KLHL20: variants seen among roughly 807,000 people sequenced by gnomAD.
KLHL20 encodes the protein kelch like family member 20.
In KLHL20, 29 loss-of-function variants were observed where a neutral mutation model predicts 69.5. That is an observed-to-expected ratio of 0.42 (90% confidence interval 0.31 to 0.57). The LOEUF is 0.57. Ranked by LOEUF, KLHL20 falls within the 20% of genes least tolerant of loss-of-function variation. The probability of loss-of-function intolerance (pLI) is 0.18; values close to 1 mark genes in which losing one functional copy is unlikely to be tolerated. For missense variants in KLHL20, 419 were observed against 776.0 expected (o/e 0.54, Z 5.47); for synonymous variants, 253 against 265.2 (o/e 0.95, Z 0.45).
chr1:173,741,765 T>C, intron 3 of KLHL20: 1 of 1,454,094 alleles, frequency 6.9e-7, no homozygotes, highest in Non-Finnish European at 9.5e-7. Flanking sequence ...CCCCAATTCC[T>C]ACTTCATGGA....
At chr1:173,740,090 T>G (rs867677276) in intron 3 of KLHL20, among the ~76,000 whole-genome samples, 3 of 151,880 alleles carry the variant, frequency 2.0e-5, no homozygotes, top group Admixed American at 6.6e-5. Context: ...TTATTTCATT[T>G]AGTTCTGCTC....
chr1:173,756,918 G>A, intron 6 of KLHL20, 58 bp from the exon 7 acceptor site: 2 of 1,514,062 alleles, frequency 1.3e-6, no homozygotes. Flanking sequence ...TTAGTAGTGA[G>A]TGTTACATTT....
chr1:173,779,192 T>C (rs1047906890), intron 10 of KLHL20, among the ~76,000 whole-genome samples: 4 of 152,226 alleles, frequency 2.6e-5, no homozygotes, highest in Non-Finnish European at 5.9e-5. Context: ...CATTTCTTCA[T>C]TGACCCACTG....
intron 3 of KLHL20, among the ~76,000 whole-genome samples, chr1:173,744,263 C>G (rs561082616): frequency 1.3e-5 from 2 of 152,172 alleles, no homozygotes; most frequent in Admixed American, 6.5e-5. Context: ...AACATCTTTA[C>G]TATTTTTAAG....
intron 10 of KLHL20, among the ~76,000 whole-genome samples, chr1:173,778,491 G>C (rs1018230774): frequency 3.4e-5 from 5 of 149,162 alleles, no homozygotes; most frequent in Admixed American, 2.0e-4. Context: ...ATCATGCCCA[G>C]CTAATTTTTG....
chr1:173,780,783 T>C (rs1648811183), intron 10 of KLHL20, among the ~76,000 whole-genome samples: 1 of 151,992 alleles, frequency 6.6e-6, no homozygotes, highest in South Asian at 2.1e-4. Flanking sequence ...TAGGCTGGAG[T>C]GCAGTGTGCG....
chr1:173,743,196 T>C (rs1040084191), intron 3 of KLHL20, among the ~76,000 whole-genome samples: 1 of 150,860 alleles, frequency 6.6e-6, no homozygotes, highest in Non-Finnish European at 1.5e-5. Context: ...TAAAGAAACA[T>C]ATTTCAAAAC....
intron 3 of KLHL20, among the ~76,000 whole-genome samples, chr1:173,740,452 T>A (rs1672751673): frequency 6.6e-6 from 1 of 152,008 alleles, no homozygotes; most frequent in Non-Finnish European, 1.5e-5. Flanking sequence ...TGGTTTGTTC[T>A]TGTTTATCTA....
chr1:173,736,602 T>G (rs1672545157), intron 3 of KLHL20, among the ~76,000 whole-genome samples: 1 of 152,046 alleles, frequency 6.6e-6, no homozygotes, highest in Admixed American at 6.6e-5. Flanking sequence ...TCTTTTTTTT[T>G]TTTTTAATTT....
chr1:173,739,978 T>G (rs1397138896), intron 3 of KLHL20, among the ~76,000 whole-genome samples: 3 of 152,104 alleles, frequency 2.0e-5, no homozygotes, highest in African/African-American at 7.2e-5. Flanking sequence ...GGATCTTCTC[T>G]CTTCTTTTCT....
intron 8 of KLHL20, 127 bp from the exon 9 acceptor site, chr1:173,774,178 G>C (rs1648297659): frequency 1.8e-6 from 2 of 1,105,940 alleles, no homozygotes; most frequent in African/African-American, 1.6e-5. Context: ...TAAAATGTTA[G>C]ATTTTCATTG....
intron 3 of KLHL20, among the ~76,000 whole-genome samples, chr1:173,745,270 C>T (rs1673003091): frequency 6.9e-6 from 1 of 145,940 alleles, no homozygotes; most frequent in Admixed American, 7.2e-5. Flanking sequence ...TCAAGCAATT[C>T]TCCTGCCTCA....
intron 3 of KLHL20, chr1:173,741,679 C>G: frequency 1.1e-6 from 1 of 870,814 alleles, no homozygotes; most frequent in African/African-American, 1.7e-5. Context: ...AAGAACATGC[C>G]TCTTGCAAAG....
At chr1:173,759,881 AT>A (rs1225630071) in intron 7 of KLHL20, among the ~76,000 whole-genome samples, 1 of 152,184 alleles carries the variant, frequency 6.6e-6, no homozygotes. Context: ...AGATTCCCTG[AT>A]TTACCTGAAA....
At chr1:173,715,896 A>G (rs1671448139) in intron 1 of KLHL20, 107 bp from the exon 2 acceptor site, 1 of 770,508 alleles carries the variant, frequency 1.3e-6, no homozygotes, top group Non-Finnish European at 2.2e-6. Flanking sequence ...ATAATAGGAT[A>G]TGAAACTCTT....
Position 173,734,183 on chromosome 1 carries a change from T to G in KLHL20, c.494T>G (p.Leu165Ter). The change falls in exon 3 of 12, where the codon TTA becomes TGA. Residue 165 changes from leucine to a stop codon, truncating the protein, a stop_gained. Transcript: ENST00000209884. LOFTEE classifies it high-confidence loss of function. Reference sequence around the variant, plus strand: ...TGCTGTGAATTCTTAAAGAGACAATTAGATCCTTCTAACTGCCTGGGCATT... The same window carrying G: ...TGCTGTGAATTCTTAAAGAGACAATGAGATCCTTCTAACTGCCTGGGCATT... The part of the protein sequence containing the change: ...EACCEFLKRQ[L>*]DPSNCLGIRA... 6.2e-7 allele frequency: 1 copy of G among 1,614,190 alleles called. No individual in the cohort carries two copies. Among genetic ancestry groups the G allele is most frequent in the Non-Finnish European group, 8.5e-7 (1 of 1,180,026 alleles).
intron 2 of KLHL20, among the ~76,000 whole-genome samples, chr1:173,733,221 C>T (rs553052781): frequency 1.3e-5 from 2 of 152,066 alleles, no homozygotes; most frequent in East Asian, 3.9e-4. Context: ...AGGGTTTTGC[C>T]ACATTCACCA....
At chr1:173,738,429 C>T (rs2102478954) in intron 3 of KLHL20, among the ~76,000 whole-genome samples, 1 of 152,262 alleles carries the variant, frequency 6.6e-6, no homozygotes, top group African/African-American at 2.4e-5. Flanking sequence ...CTCGGTGTCC[C>T]AAAGTGTTGG....
At chr1:173,765,989 AAC>A (rs1290472012) in intron 7 of KLHL20, among the ~76,000 whole-genome samples, 155 bp from the exon 8 acceptor site, 3 of 152,196 alleles carry the variant, frequency 2.0e-5, no homozygotes, top group African/African-American at 7.2e-5. Context: ...AAAAAATAAA[AAC>A]ACAAACCAGA....
Sources: allele counts gnomAD v4.1 joint callset (sites outside exome capture counted in the v4.1 genomes callset), GRCh38; gene constraint gnomAD v4.1.1; transcripts MANE v1.5; gene names NCBI Gene and HGNC (gene_info 2026-07-23, HGNC 2026-07-21).